The following APMAP variants were observed in gnomAD, a reference collection of about 807,000 sequenced individuals.
APMAP encodes adipocyte plasma membrane-associated protein.
A neutral mutation model predicts 43.6 loss-of-function variants in APMAP; 33 were observed. The ratio of observed to expected loss-of-function variants is 0.76; its 90% CI spans 0.57 to 1.01. APMAP has a LOEUF of 1.01. Ranked by LOEUF, APMAP falls within the 50% of genes least tolerant of loss-of-function variation. The pLI is 0.00. For synonymous variants in APMAP, 224 were observed against 216.7 expected (o/e 1.03, Z -0.30); for missense variants, 498 against 540.7 (o/e 0.92, Z 0.78).
At chr20:24,992,198 G>C (rs746177796) in intron 1 of APMAP, among the ~76,000 whole-genome samples, 24 of 152,212 alleles carry the variant, frequency 1.6e-4, no homozygotes, top group Admixed American at 3.3e-4. Flanking sequence ...CGGCCAAGTA[G>C]CTGTGCTCAG....
intron 8 of APMAP, 116 bp from the exon 9 acceptor site, chr20:24,964,138 AGCCCCACAGGGCAGT>A: frequency 9.0e-7 from 1 of 1,111,088 alleles, no homozygotes; most frequent in South Asian, 1.4e-5. Flanking sequence ...ATGACAGGGC[AGCCCCACAGGGCAGT>A]GCCCCACAGG....
intron 8 of APMAP, among the ~76,000 whole-genome samples, chr20:24,965,454 C>A (rs1029522223): frequency 6.6e-5 from 10 of 152,250 alleles, no homozygotes; most frequent in Non-Finnish European, 1.3e-4. Context: ...GAGCAGGGTA[C>A]ATGTGTGCAG....
At chr20:24,975,551 T>G (rs999214945) in intron 3 of APMAP, among the ~76,000 whole-genome samples, 1 of 152,212 alleles carries the variant, frequency 6.6e-6, no homozygotes, top group Non-Finnish European at 1.5e-5. Flanking sequence ...AGATATTCCA[T>G]GTTCATGGAC....
rs1016477410 is a variant in APMAP, at chr20:24,963,666, A to G, written c.*147T>C. 3.6e-6 allele frequency: 3 copies of G among 834,646 alleles called. No homozygotes were observed. Among genetic ancestry groups the G allele is most frequent in the Middle Eastern group, 7.5e-4 (2 of 2,672 alleles). The allele number at this position is 834,646 out of a possible 1,614,324, so 51.7% of individuals were successfully genotyped here. ...GGGCCCGGGCATCCTCGAGGAATGA[A>G]GCAGCCATTCCCACCACCTCTCAGG... On this transcript the variant is annotated 3_prime_UTR_variant, in exon 9 of 9. Transcript: ENST00000217456.
chr20:24,987,173 A>G (rs973982717), intron 1 of APMAP, among the ~76,000 whole-genome samples: 1 of 152,158 alleles, frequency 6.6e-6, no homozygotes, highest in Non-Finnish European at 1.5e-5. Context: ...ACCAGGCTGG[A>G]GTACAGTGGC....
Position 24,963,846 on chromosome 20 carries a change from G to A in APMAP, c.1218C>T (p.Pro406=), listed in dbSNP as rs772388741. 1.9e-6 allele frequency: 3 copies of A among 1,614,212 alleles called. No homozygotes were observed. In the East Asian group the frequency reaches 6.7e-5, roughly 36 times the overall value. ...CCTGGAGGCTGAGTCTGCAGAGGAA[G>A]GGGGACCTGAAAGAGCCCAGGTACA... The part of the protein sequence containing the change: ...GHLYLGSFRS[P]FLCRLSLQAV The change falls in exon 9 of 9, where the codon CCC becomes CCT. Residue 406 remains proline, a synonymous_variant. Coordinates refer to ENST00000217456, the MANE Select transcript of APMAP (RefSeq NM_020531.3).
chr20:24,971,679 G>A (rs569658614), intron 4 of APMAP, 103 bp from the exon 5 acceptor site: 5 of 962,594 alleles, frequency 5.2e-6, no homozygotes, highest in Non-Finnish European at 8.3e-6. Context: ...ACATCATGCT[G>A]TACAGAACAA....
Sources: allele counts gnomAD v4.1 joint callset (sites outside exome capture counted in the v4.1 genomes callset), GRCh38; gene constraint gnomAD v4.1.1; transcripts MANE v1.5; gene names NCBI Gene and HGNC (gene_info 2026-07-23, HGNC 2026-07-21).